PDE5A: variants seen among roughly 807,000 people sequenced by gnomAD.
The protein encoded by PDE5A is phosphodiesterase 5A, also known as cGMP-specific 3',5'-cyclic phosphodiesterase.
In PDE5A, 67 loss-of-function variants were observed where a neutral mutation model predicts 110.2. That is an observed-to-expected ratio of 0.61 (90% CI 0.50 to 0.75). The LOEUF (loss-of-function observed/expected upper bound fraction) is 0.75, where lower values mean the gene tolerates loss of function less well. Ranked by LOEUF, PDE5A falls within the 30% of genes least tolerant of loss-of-function variation. The pLI, the probability that PDE5A is intolerant of heterozygous loss-of-function variation, is 0.00. For synonymous variants in PDE5A, 328 were observed against 351.2 expected (o/e 0.93, Z 0.74); for missense variants, 862 against 1,045.1 (o/e 0.82, Z 2.42).
chr4:119,527,767 C>G (rs146537293), intron 11 of PDE5A, among the ~76,000 whole-genome samples: 1 of 151,948 alleles, frequency 6.6e-6, no homozygotes, highest in Non-Finnish European at 1.5e-5. Context: ...TATTGCATTA[C>G]GGTTTTGAAG....
intron 1 of PDE5A, among the ~76,000 whole-genome samples, chr4:119,625,133 G>T (rs185819708): frequency 6.6e-6 from 1 of 151,918 alleles, no homozygotes; most frequent in Admixed American, 6.6e-5. Flanking sequence ...TAGTAGCTGG[G>T]ATTACAGGCG....
chr4:119,563,111 T>C (rs1328561594), intron 5 of PDE5A, 141 bp from the exon 6 acceptor site: 1 of 574,370 alleles, frequency 1.7e-6, no homozygotes, highest in Non-Finnish European at 2.9e-6. Context: ...ACGTCTCCAC[T>C]TATTAACAAA....
At chr4:119,578,033 T>C (rs1578793745) in intron 3 of PDE5A, among the ~76,000 whole-genome samples, 1 of 152,158 alleles carries the variant, frequency 6.6e-6, no homozygotes, top group Admixed American at 6.5e-5. Context: ...AGCATTCTCA[T>C]ACACCAATAA....
chr4:119,595,990 G>A (rs1729139555), intron 3 of PDE5A, among the ~76,000 whole-genome samples: 1 of 152,176 alleles, frequency 6.6e-6, no homozygotes, highest in Non-Finnish European at 1.5e-5. Context: ...GTAAAATGAA[G>A]AGGGAATTCA....
chr4:119,514,480 C>A (rs1725844790), intron 14 of PDE5A, among the ~76,000 whole-genome samples: 1 of 146,350 alleles, frequency 6.8e-6, no homozygotes, highest in South Asian at 2.2e-4. Context: ...CCCAATCAAC[C>A]TTTTTTTTTT....
At chr4:119,611,404 A>T (rs147556734) in intron 1 of PDE5A, among the ~76,000 whole-genome samples, 1 of 152,338 alleles carries the variant, frequency 6.6e-6, no homozygotes, top group African/African-American at 2.4e-5. Context: ...AAGCCTCCTG[A>T]AGCATCAAAA....
chr4:119,612,494 A>G (rs578096010), intron 1 of PDE5A, among the ~76,000 whole-genome samples: 165 of 152,304 alleles, frequency 1.1e-3, no homozygotes, highest in Middle Eastern at 6.8e-3. Context: ...AAGCTTCCTG[A>G]GGCCTCCCCA....
chr4:119,519,232 C>T, intron 13 of PDE5A, 93 bp from the exon 14 acceptor site: 3 of 899,368 alleles, frequency 3.3e-6, no homozygotes, highest in East Asian at 2.5e-5. Flanking sequence ...TTTTTTTCCC[C>T]TCAGTGCTTT....
chr4:119,523,094 T>C (rs1400357840), intron 12 of PDE5A, among the ~76,000 whole-genome samples: 2 of 152,062 alleles, frequency 1.3e-5, no homozygotes, highest in African/African-American at 4.8e-5. Context: ...CAAATAGCAA[T>C]TGAAGCAGCA....
At position 119,498,322 on chromosome 4, in the gene PDE5A, G is replaced by A. The variant is rs201137671; in HGVS notation, c.*279C>T. On this transcript the variant is annotated 3_prime_UTR_variant, in exon 21 of 21. Coordinates refer to ENST00000354960, the MANE Select transcript of PDE5A (RefSeq NM_001083.4). Reference sequence around the variant, plus strand: ...AGTGCAAGAATACTGCATACACTTTGCAGTACACGAAATATCACAAACAAT... The same window carrying A: ...AGTGCAAGAATACTGCATACACTTTACAGTACACGAAATATCACAAACAAT... The A allele has an allele frequency of 2.9e-5, 9 of 312,402 alleles. No homozygotes were observed. The highest frequency in any genetic ancestry group is 4.8e-5 in the Non-Finnish European group (8 of 167,848). 19.4% of individuals were successfully genotyped at this position (312,402 alleles called of 1,614,324 possible).
chr4:119,502,372 T>C (rs937775546), intron 19 of PDE5A: 3 of 388,684 alleles, frequency 7.7e-6, no homozygotes, highest in Non-Finnish European at 1.4e-5. Context: ...ACTGATACAA[T>C]ATGATGAACC....
At chr4:119,514,860 A>G (rs1383529065) in intron 14 of PDE5A, among the ~76,000 whole-genome samples, 1 of 152,184 alleles carries the variant, frequency 6.6e-6, no homozygotes, top group Non-Finnish European at 1.5e-5. Context: ...GAAGATAGGT[A>G]TTTTCATTAT....
In PDE5A at chr4:119,525,557, T is replaced by A. The variant is rs1351462443; in HGVS notation, c.1771A>T (p.Lys591Ter). 6.2e-7 allele frequency: 1 copy of A among 1,612,896 alleles called. No individual in the cohort carries two copies. Residue 591 changes from lysine to a stop codon, truncating the protein, a stop_gained, in exon 12 of 21, where the codon AAA becomes TAA. Coordinates refer to ENST00000354960, the MANE Select transcript of PDE5A (RefSeq NM_001083.4). LOFTEE classifies it high-confidence loss of function. The surrounding 1 kb of genome is among the most constrained non-coding windows in gnomAD (Gnocchi z 4.3). The part of the protein sequence containing the change: ...DLNLVQNFQM[K>*]HEVLCRWILS... ...TGTTGCTGCATTCCTACCTCATGTT[T>A]CATCTGGAAGTTCTGCACAAGGTTG...
intron 17 of PDE5A, among the ~76,000 whole-genome samples, chr4:119,505,127 A>G (rs1725510020): frequency 2.0e-5 from 3 of 151,976 alleles, no homozygotes; most frequent in Non-Finnish European, 1.5e-5. Context: ...CTGCATGTTG[A>G]ATTATAGTTA....
intron 20 of PDE5A, among the ~76,000 whole-genome samples, 195 bp from the exon 21 acceptor site, chr4:119,498,933 A>G (rs1260364863): frequency 6.6e-6 from 1 of 152,212 alleles, no homozygotes; most frequent in Admixed American, 6.5e-5. Context: ...TAAGGAGTAC[A>G]TGCTGAGGGA....
chr4:119,530,300 A>T lies in PDE5A; in HGVS notation c.1633-4605T>A, dbSNP rs190294867. On this transcript the variant is annotated intron_variant, in intron 11 of 20. Transcript: ENST00000354960. ...CAAATAATGGTCTGAAAACTAGAGAAGTTTTATGGCTTTCCTAAAACAGCC... is the reference window on the plus strand; with the variant it reads ...CAAATAATGGTCTGAAAACTAGAGATGTTTTATGGCTTTCCTAAAACAGCC... Among the ~76,000 whole-genome samples the T allele has an allele frequency of 5.9e-5, 9 of 152,230 alleles. No homozygotes were observed. In the East Asian group the frequency reaches 1.7e-3, roughly 29 times the overall value.
intron 2 of PDE5A, among the ~76,000 whole-genome samples, chr4:119,601,488 A>G (rs557116901): frequency 2.7e-5 from 4 of 146,776 alleles, no homozygotes; most frequent in African/African-American, 1.0e-4. Flanking sequence ...CATCTCTTCC[A>G]TTTGGCTGCT....
At chr4:119,578,783 G>T (rs2110519233) in intron 3 of PDE5A, among the ~76,000 whole-genome samples, 1 of 152,212 alleles carries the variant, frequency 6.6e-6, no homozygotes, top group East Asian at 1.9e-4. Context: ...CATGGGCAAG[G>T]ACTTCATGTC....
At position 119,542,489 on chromosome 4, in the gene PDE5A, T is replaced by C. The variant is rs1408277492; in HGVS notation, c.1542A>G (p.Arg514=). Reference sequence around the variant, plus strand: ...ATGTGACCATTTGCTTGGCCATGGCTCTCTCCACTGCTTCATACATCTGCG... The same window carrying C: ...ATGTGACCATTTGCTTGGCCATGGCCCTCTCCACTGCTTCATACATCTGCG... The part of the protein sequence containing the change: ...QNTQMYEAVE[R]AMAKQMVTLE... The change falls in exon 10 of 21, where the codon AGA becomes AGG. Residue 514 remains arginine (R), a synonymous_variant. Coordinates refer to ENST00000354960, the MANE Select transcript of PDE5A (RefSeq NM_001083.4). The C allele has an allele frequency of 6.8e-6, 11 of 1,613,714 alleles. No individual in the cohort carries two copies. Among genetic ancestry groups the C allele is most frequent in the Non-Finnish European group, 8.5e-6 (10 of 1,179,862 alleles).
Sources: allele counts gnomAD v4.1 joint callset (sites outside exome capture counted in the v4.1 genomes callset), GRCh38; gene constraint gnomAD v4.1.1; non-coding constraint Gnocchi (gnomAD v3.1); transcripts MANE v1.5; gene names NCBI Gene and HGNC (gene_info 2026-07-23, HGNC 2026-07-21).